The following NID2 variants were observed in gnomAD, a reference collection of about 807,000 sequenced individuals.
NID2 encodes nidogen-2.
A neutral mutation model predicts 145.4 loss-of-function variants in NID2; 83 were observed. The observed-to-expected ratio is 0.57, with a 90% CI of 0.48 to 0.69. NID2 has a LOEUF of 0.69. Ranked by LOEUF, NID2 falls within the 30% of genes least tolerant of loss-of-function variation. The pLI, the probability that NID2 is intolerant of heterozygous loss-of-function variation, is 0.00. For missense variants in NID2, 1,807 were observed against 1,765.7 expected (o/e 1.02, Z -0.42); for synonymous variants, 739 against 701.3 (o/e 1.05, Z -0.85).
In NID2 at chr14:52,061,094, C is replaced by T. The variant is rs548421963; in HGVS notation, c.535-738G>A. ...AGGTGAGTTGTAACCTGGCTGCATA[C>T]GTCCCTCCCAGGCTCAGTTCCACTG... On this transcript the variant is annotated intron_variant, in intron 2 of 21. Coordinates refer to ENST00000216286, the MANE Select transcript of NID2 (RefSeq NM_007361.4). 8.4e-4 allele frequency among the ~76,000 whole-genome samples: 128 copies of T among 152,250 alleles called. 1 individual carries two copies. Among genetic ancestry groups the T allele is most frequent in the Non-Finnish European group, 2.8e-4 (19 of 68,012 alleles).
At chr14:52,051,381 G>A (rs1232513429) in intron 5 of NID2, among the ~76,000 whole-genome samples, 3 of 152,170 alleles carry the variant, frequency 2.0e-5, no homozygotes, top group African/African-American at 7.2e-5. Flanking sequence ...GAGCTGAGGA[G>A]AGCCAAGGGT....
chr14:52,020,031 G>A (rs1891344676), intron 13 of NID2, 28 bp downstream of exon 13: 2 of 1,611,980 alleles, frequency 1.2e-6, no homozygotes, highest in Non-Finnish European at 8.5e-7. Context: ...AGAGATTCAT[G>A]TGCCTAATCT....
At position 52,004,831 on chromosome 14, in the gene NID2, A is replaced by C. The variant is rs1890692349; in HGVS notation, c.*655T>G. On this transcript the variant is annotated 3_prime_UTR_variant, in exon 22 of 22. Coordinates refer to ENST00000216286, the MANE Select transcript of NID2 (RefSeq NM_007361.4). ...AGGAAAACTTAAAACACTTTATTGGAGTAATCTAGAAAATTTTAAAATTGT... is the reference window on the plus strand; with the variant it reads ...AGGAAAACTTAAAACACTTTATTGGCGTAATCTAGAAAATTTTAAAATTGT... The C allele has an allele frequency of 4.8e-6, 1 of 208,744 alleles. No individual in the cohort carries two copies. Among genetic ancestry groups the C allele is most frequent in the Non-Finnish European group, 9.4e-6 (1 of 106,128 alleles). The allele number at this position is 208,744 out of a possible 1,614,324, so 12.9% of individuals were successfully genotyped here.
chr14:52,054,668 C>A (rs905224038), intron 3 of NID2, among the ~76,000 whole-genome samples: 4 of 152,150 alleles, frequency 2.6e-5, no homozygotes, highest in Admixed American at 1.3e-4. Flanking sequence ...TGGTTGCAAC[C>A]ACTGCACCCC....
intron 9 of NID2, among the ~76,000 whole-genome samples, chr14:52,033,807 T>C (rs1002769050): frequency 6.6e-6 from 1 of 152,172 alleles, no homozygotes; most frequent in African/African-American, 2.4e-5. Context: ...AAGACACACA[T>C]TGCCTCTTTC....
At position 52,011,120 on chromosome 14, in the gene NID2, C is replaced by A. The variant is rs550068538; in HGVS notation, c.3551-73G>T. The A allele has an allele frequency of 3.4e-6, 5 of 1,487,116 alleles. No individual in the cohort carries two copies. In the African/African-American group the frequency reaches 4.1e-5, roughly 12 times the overall value. 92.1% of individuals were successfully genotyped at this position (1,487,116 alleles called of 1,614,324 possible). A position where few individuals can be genotyped will look rare whatever the true frequency, so the allele number is the denominator to read the frequency against. ...GGCAAACCTGAAGCCCTCCAACGGT[C>A]GGGTGGGCAGGGGGGTCAGCAGGGG... is the stretch of plus-strand genomic sequence containing the variant. On this transcript the variant is annotated intron_variant, in intron 17 of 21. Coordinates refer to ENST00000216286, the MANE Select transcript of NID2 (RefSeq NM_007361.4).
chr14:52,049,369 C>T (rs1166334981), intron 5 of NID2, among the ~76,000 whole-genome samples: 1 of 152,150 alleles, frequency 6.6e-6, no homozygotes, highest in Non-Finnish European at 1.5e-5. Flanking sequence ...ATCTTTCAAT[C>T]TTCATTTTCC....
Position 52,007,789 on chromosome 14 carries a change from G to A in NID2, c.3880+21C>T, listed in dbSNP as rs750663630. The A allele has an allele frequency of 6.9e-6, 11 of 1,603,860 alleles. No individual in the cohort carries two copies. In the African/African-American group the frequency reaches 1.3e-4, roughly 20 times the overall value. The stretch of plus-strand genomic sequence containing the variant: ...CACTGTGATGAGAGGTTATCTATTT[G>A]CATTCCATCAGTAGTATTACCTGCA... On this transcript the variant is annotated intron_variant, in intron 19 of 21. Transcript: ENST00000216286.
chr14:52,057,146 A>T (rs1383017184), intron 3 of NID2, among the ~76,000 whole-genome samples: 1 of 152,042 alleles, frequency 6.6e-6, no homozygotes. Flanking sequence ...GGCTCAAGTG[A>T]TCCTCCCACT....
At chr14:52,016,252 C>T (rs1463021017) in intron 14 of NID2, among the ~76,000 whole-genome samples, 1 of 152,178 alleles carries the variant, frequency 6.6e-6, no homozygotes, top group Non-Finnish European at 1.5e-5. Flanking sequence ...GTTAGGACTA[C>T]CCAAAGGAAC....
Position 52,045,564 on chromosome 14 carries a change from A to T in NID2, c.1430-2633T>A, listed in dbSNP as rs939286349. Reference sequence around the variant, plus strand: ...TAAAACTCAAGGCAGAAAAAAAAAAAAAAAAAACCCAGGATGGATCATGGT... The same window carrying T: ...TAAAACTCAAGGCAGAAAAAAAAAATAAAAAAACCCAGGATGGATCATGGT... On this transcript the variant is annotated intron_variant, in intron 5 of 21. Coordinates refer to ENST00000216286, the MANE Select transcript of NID2 (RefSeq NM_007361.4). 2.0e-5 allele frequency among the ~76,000 whole-genome samples: 3 copies of T among 152,278 alleles called. 1 individual carries two copies. Among genetic ancestry groups the T allele is most frequent in the Admixed American group, 2.0e-4 (3 of 15,298 alleles).
Position 52,010,922 on chromosome 14 carries a change from T to C in NID2, c.3676A>G (p.Thr1226Ala), listed in dbSNP as rs1301432378. 4.3e-6 allele frequency: 7 copies of C among 1,613,754 alleles called. No homozygotes were observed. Among genetic ancestry groups the C allele is most frequent in the African/African-American group, 1.3e-5 (1 of 74,902 alleles). The stretch of plus-strand genomic sequence containing the variant: ...ATGGCACGGGGATTCACCAGATCTG[T>C]GTAGAAGAGGACCTTGCGCTCAGAG... ...DGSERKVLFY[T>A]DLVNPRAIAV... The change falls in exon 18 of 22, where the codon ACA becomes GCA. Residue 1226 changes from threonine (T) to alanine (A), a missense_variant. By Grantham distance (58) the Thr-to-Ala change is moderately conservative. Transcript: ENST00000216286.
chr14:52,028,968 G>A (rs2140375973), intron 10 of NID2, 118 bp from the exon 11 acceptor site: 1 of 981,882 alleles, frequency 1.0e-6, no homozygotes, highest in Non-Finnish European at 1.5e-6. Context: ...ATGGTTGGCA[G>A]ATGTAGAATT....
rs759841706 is a variant in NID2 at position 52,038,798 on chromosome 14, C to G, written c.2206G>C (p.Glu736Gln). 5.0e-6 allele frequency: 8 copies of G among 1,610,156 alleles called. No individual in the cohort carries two copies. The Admixed American group carries it at 1.4e-4, about 27-fold the overall frequency. Residue 736 changes from glutamate (E) to glutamine (Q), a missense_variant, in exon 9 of 22, where the codon GAA becomes CAA. Physicochemically the swap from Glu to Gln is conservative, Grantham distance 29. Transcript: ENST00000216286. ...ACAGCAAATCTAAGCACTCTTTCTTCGTCATTATACAAGGCAAAGACCCGG... is the reference window on the plus strand; with the variant it reads ...ACAGCAAATCTAAGCACTCTTTCTTGGTCATTATACAAGGCAAAGACCCGG... ...VDRVFALYND[E>Q]ERVLRFAVTN...
intron 9 of NID2, 71 bp from the exon 10 acceptor site, chr14:52,029,761 TC>T: frequency 2.3e-6 from 3 of 1,308,206 alleles, no homozygotes; most frequent in Non-Finnish European, 3.2e-6. Flanking sequence ...GATAGAGGAG[TC>T]CTCGGAACTG....
At chr14:52,052,282 A>G (rs767791526) in intron 5 of NID2, among the ~76,000 whole-genome samples, 1 of 152,242 alleles carries the variant, frequency 6.6e-6, no homozygotes, top group Non-Finnish European at 1.5e-5. Flanking sequence ...GAAACTCTTT[A>G]ATAAGCACAT....
chr14:52,066,769 C>T (rs1893230243), intron 2 of NID2, among the ~76,000 whole-genome samples: 1 of 152,158 alleles, frequency 6.6e-6, no homozygotes, highest in Admixed American at 6.5e-5. Context: ...ATGGTTTCAG[C>T]CCCTAGAGTA....
intron 11 of NID2, among the ~76,000 whole-genome samples, chr14:52,027,632 C>T (rs1455058478): frequency 3.2e-5 from 2 of 61,924 alleles, no homozygotes; most frequent in Admixed American, 2.4e-4. Flanking sequence ...AGAGCAATTG[C>T]TACACACACA....
chr14:52,006,022 T>C (rs1890765755), intron 20 of NID2, 173 bp from the exon 21 acceptor site: 2 of 599,458 alleles, frequency 3.3e-6, no homozygotes, highest in Non-Finnish European at 6.0e-6. Flanking sequence ...AATCCATTGC[T>C]CATCTCTAGC....
Sources: gnomAD v4.1 joint callset for allele counts (sites outside exome capture counted in the v4.1 genomes callset) on GRCh38, gnomAD v4.1.1 for gene constraint, MANE v1.5 for transcripts, NCBI Gene and HGNC (gene_info 2026-07-23, HGNC 2026-07-21) for gene names.